Variants in INSRR observed in about 807,000 individuals in gnomAD.
INSRR encodes the protein insulin receptor-related protein.
INSRR carries 114 observed loss-of-function variants against 130.0 expected under a neutral mutation model. That is an observed-to-expected ratio of 0.88 (90% CI 0.75 to 1.02). The LOEUF (loss-of-function observed/expected upper bound fraction) is 1.02, where lower values mean the gene tolerates loss of function less well. Ranked by LOEUF, INSRR falls within the 50% of genes least tolerant of loss-of-function variation. INSRR has a pLI of 0.00. For missense variants in INSRR, 1,657 were observed against 1,735.2 expected (o/e 0.95, Z 0.80); for synonymous variants, 674 against 705.2 (o/e 0.96, Z 0.70).
At chr1:156,850,846 C>T (rs754333668) in intron 5 of INSRR, among the ~76,000 whole-genome samples, 3 of 152,152 alleles carry the variant, frequency 2.0e-5, no homozygotes, top group African/African-American at 7.2e-5. Context: ...TGTGAGCCAC[C>T]GTGCCTGGCT....
At position 156,842,439 on chromosome 1, in the gene INSRR, C is replaced by T; in HGVS notation, c.3196G>A (p.Asp1066Asn). The T allele has an allele frequency of 6.2e-7, 1 of 1,614,122 alleles. No individual in the cohort carries two copies. Among genetic ancestry groups the T allele is most frequent in the South Asian group, 1.1e-5 (1 of 91,082 alleles). ...LVIMELMTRG[D>N]LKSHLRSLRP... The stretch of plus-strand genomic sequence containing the variant: ...AAAGATCGAAGATGGCTCTTGAGGT[C>T]CCCACGGGTCATTAACTCCATGATG... Residue 1066 changes from aspartate to asparagine, a missense_variant, in exon 18 of 22, where the codon GAC (aspartate) becomes AAC (asparagine). By Grantham distance (23) the Asp-to-Asn change is conservative. Transcript: ENST00000368195.
chr1:156,855,193 T>TATCTATCTATC, intron 1 of INSRR, among the ~76,000 whole-genome samples: 1 of 148,124 alleles, frequency 6.8e-6, no homozygotes, highest in African/African-American at 2.6e-5. Flanking sequence ...TCTATCTATC[T>TATCTATCTATC]ATCTATCTAT....
In INSRR at chr1:156,849,034, G is replaced by T. The variant is rs149673909; in HGVS notation, c.1458C>A (p.Thr486=). Residue 486 remains threonine (T), a synonymous_variant, in exon 7 of 22, where the codon ACC becomes ACA. Coordinates refer to ENST00000368195, the MANE Select transcript of INSRR (RefSeq NM_014215.3). ...CCGTCACGTTGGACACGAAGCGCAGGGTGCGAGTCTGGCCTGGGTGGGGCG... is the reference window on the plus strand; with the variant it reads ...CCGTCACGTTGGACACGAAGCGCAGTGTGCGAGTCTGGCCTGGGTGGGGCG... ...NGDRAACQTR[T]LRFVSNVTEA... is the part of the protein sequence containing the mutation. The T allele has an allele frequency of 1.9e-6, 3 of 1,613,378 alleles. No individual in the cohort carries two copies. The highest frequency in any genetic ancestry group is 2.2e-5 in the South Asian group (2 of 91,014).
At chr1:156,845,021 A>C in intron 12 of INSRR, 55 bp downstream of exon 12, 1 of 1,557,082 alleles carries the variant, frequency 6.4e-7, no homozygotes, top group South Asian at 1.2e-5. Flanking sequence ...AAACCTTTGC[A>C]CAGGGTCCTT....
rs1654929651 is a variant in INSRR, at chr1:156,844,757, G to C, written c.2524C>G (p.Pro842Ala). The C allele has an allele frequency of 1.2e-6, 2 of 1,614,158 alleles. No individual in the cohort carries two copies. The highest frequency in any genetic ancestry group is 1.6e-4 in the Middle Eastern group (1 of 6,062). The part of the protein sequence containing the change: ...VLLRWLEPPD[P>A]NGLILKYEIK... The stretch of plus-strand genomic sequence containing the variant: ...TCGTACTTGAGGATGAGTCCGTTGG[G>C]GTCTGGTGGCTCGAGCCAGCGCAGA... Residue 842 changes from proline to alanine, a missense_variant, in exon 13 of 22, where the codon CCC becomes GCC. Transcript: ENST00000368195.
chr1:156,844,636 G>A lies in INSRR; in HGVS notation c.2575-12C>T, dbSNP rs369873985. On this transcript the variant is annotated splice_polypyrimidine_tract_variant and intron_variant, in intron 13 of 21. Transcript: ENST00000368195. ...AGCACTGTGGCCTCCTGAGAGTAAC[G>A]CAGAACAGCTGGCTGGGAAGGCGAT... 18 of 1,613,878 alleles carry A rather than the reference G, an allele frequency of 1.1e-5. No homozygotes were observed. The highest frequency in any genetic ancestry group is 8.0e-5 in the African/African-American group (6 of 74,920).
In INSRR at chr1:156,844,170, A is replaced by G. The variant is rs1466326597; in HGVS notation, c.2843+5T>C. On this transcript the variant is annotated splice_donor_5th_base_variant and intron_variant, in intron 15 of 21. Transcript: ENST00000368195. The stretch of plus-strand genomic sequence containing the variant: ...GGGGTGGGGACCGGTGGGACTTATC[A>G]TCACCTCTTCTTGCCGTAGAAGAAA... The G allele has an allele frequency of 1.9e-6, 3 of 1,609,386 alleles. No individual in the cohort carries two copies. The South Asian group carries it at 3.3e-5, about 18-fold the overall frequency.
intron 5 of INSRR, 81 bp from the exon 6 acceptor site, chr1:156,849,541 G>A (rs1285742005): frequency 9.0e-7 from 1 of 1,105,840 alleles, no homozygotes; most frequent in African/African-American, 1.5e-5. Context: ...GGTTCCTCCT[G>A]GAAGGGTTTT....
rs546133638 is a variant in INSRR at position 156,841,677 on chromosome 1, T to C, written c.3515A>G (p.His1172Arg). The change falls in exon 20 of 22, where the codon CAC becomes CGC. Residue 1172 changes from histidine to arginine, a missense_variant. His to Arg is a conservative substitution (Grantham distance 29). Transcript: ENST00000368195. Reference protein sequence around the residue: ...ESLKDGIFTTHSDVWSFGVVL... With the variant: ...ESLKDGIFTTRSDVWSFGVVL... Reference sequence around the variant, plus strand: ...AGCTCGGCCCCACCAGACATCCGAGTGGGTGGTGAAGATCCCATCTTTGAG... The same window carrying C: ...AGCTCGGCCCCACCAGACATCCGAGCGGGTGGTGAAGATCCCATCTTTGAG... The C allele has an allele frequency of 3.1e-6, 5 of 1,613,644 alleles. No individual in the cohort carries two copies. In the South Asian group the frequency reaches 3.3e-5, roughly 11 times the overall value.
chr1:156,842,864 C>T, intron 17 of INSRR, 140 bp downstream of exon 17: 2 of 697,658 alleles, frequency 2.9e-6, no homozygotes, highest in Admixed American at 2.8e-5. Flanking sequence ...CTAACCATGA[C>T]CTTTACCCCA....
chr1:156,849,737 T>C (rs1013784616), intron 5 of INSRR, among the ~76,000 whole-genome samples: 1 of 152,006 alleles, frequency 6.6e-6, no homozygotes, highest in Non-Finnish European at 1.5e-5. Flanking sequence ...CTCGACTCTC[T>C]TTGAACTGAG....
rs1654864404 is a variant in INSRR, at chr1:156,843,219, C to A, written c.2911G>T (p.Glu971Ter). ...ATCTGCTCCCGAGGCACCTCCCATT[C>A]ATCAGGGACATACACTGCAAGGAGG... is the stretch of plus-strand genomic sequence containing the variant. The part of the protein sequence containing the change: ...FSASDMYVPD[E>*]WEVPREQISI... Residue 971 changes from glutamate to a stop codon, truncating the protein, a stop_gained, in exon 17 of 22, where the codon GAA becomes TAA. Coordinates refer to ENST00000368195, the MANE Select transcript of INSRR (RefSeq NM_014215.3). LOFTEE classifies it high-confidence loss of function. The A allele has an allele frequency of 6.2e-7, 1 of 1,613,980 alleles. No individual in the cohort carries two copies. The highest frequency in any genetic ancestry group is 8.5e-7 in the Non-Finnish European group (1 of 1,180,010).
Position 156,849,417 on chromosome 1 carries a change from G to A in INSRR, c.1273C>T (p.Leu425=). 1 of 1,613,670 alleles carries A rather than the reference G, an allele frequency of 6.2e-7. No homozygotes were observed. Among genetic ancestry groups the A allele is most frequent in the Non-Finnish European group, 8.5e-7 (1 of 1,179,960 alleles). ...YVLDNQNLQQ[L]GSWVAAGLTI... ...AGCCCCGCGGCCACCCAGGACCCTA[G>A]CTGTTGTAGGTTCTGGTTGTCCAGC... Residue 425 remains leucine, a synonymous_variant, in exon 6 of 22, where the codon CTA becomes TTA. Coordinates refer to ENST00000368195, the MANE Select transcript of INSRR (RefSeq NM_014215.3).
chr1:156,843,385 C>T, intron 16 of INSRR, 42 bp downstream of exon 16: 1 of 1,605,212 alleles, frequency 6.2e-7, no homozygotes, highest in Non-Finnish European at 8.5e-7. Context: ...CCTCTCCTGT[C>T]TCCCTTTCCC....
chr1:156,852,909 C>T (rs533938079), intron 2 of INSRR, among the ~76,000 whole-genome samples: 2 of 152,282 alleles, frequency 1.3e-5, no homozygotes, highest in South Asian at 4.1e-4. Context: ...CGCCCTGCTG[C>T]TGAGGCGCTG....
intron 8 of INSRR, 136 bp from the exon 9 acceptor site, chr1:156,846,255 G>T: frequency 2.1e-6 from 2 of 971,856 alleles, no homozygotes; most frequent in South Asian, 3.5e-5. Context: ...TGGCTTCCTA[G>T]AACTCAGTGT....
chr1:156,849,324 G>A lies in INSRR; in HGVS notation c.1366C>T (p.Leu456=). Reference sequence around the variant, plus strand: ...CCTCGCGTGCCTGTCACCTCCTCCAGTCGGTAGATGTGTTCCAAGCAGAGG... The same window carrying A: ...CCTCGCGTGCCTGTCACCTCCTCCAATCGGTAGATGTGTTCCAAGCAGAGG... ...PRLCLEHIYR[L]EEVTGTRGRQ... is the part of the protein sequence containing the mutation. Residue 456 remains leucine, a synonymous_variant, in exon 6 of 22, where the codon CTG becomes TTG. Transcript: ENST00000368195. The A allele has an allele frequency of 6.2e-7, 1 of 1,613,960 alleles. No homozygotes were observed. Among genetic ancestry groups the A allele is most frequent in the Non-Finnish European group, 8.5e-7 (1 of 1,180,010 alleles).
chr1:156,844,099 C>T, intron 15 of INSRR, 76 bp downstream of exon 15: 1 of 1,064,254 alleles, frequency 9.4e-7, no homozygotes, highest in Non-Finnish European at 1.4e-6. Flanking sequence ...ACTGTCTCAT[C>T]TACCTCCCTT....
Position 156,841,472 on chromosome 1 carries a change from C to T in INSRR, c.3584G>A (p.Gly1195Asp), listed in dbSNP as rs767188615. 1 of 1,614,018 alleles carries T rather than the reference C, an allele frequency of 6.2e-7. No individual in the cohort carries two copies. The highest frequency in any genetic ancestry group is 1.1e-5 in the South Asian group (1 of 91,080). ...CTTCAGCACCTGCTCATTGGACAGG[C>T]CCTGGTAGGGTTGTTCTGCCAGGGT... The part of the protein sequence containing the change: ...IVTLAEQPYQ[G>D]LSNEQVLKFV... Residue 1195 changes from glycine to aspartate, a missense_variant, in exon 21 of 22, where the codon GGC becomes GAC. Transcript: ENST00000368195.
Sources: allele counts gnomAD v4.1 joint callset (sites outside exome capture counted in the v4.1 genomes callset), GRCh38; gene constraint gnomAD v4.1.1; transcripts MANE v1.5; gene names NCBI Gene and HGNC (gene_info 2026-07-23, HGNC 2026-07-21).